HSF5: variants seen among roughly 807,000 people sequenced by gnomAD.
HSF5 encodes the protein heat shock transcription factor 5.
In HSF5, 5 loss-of-function variants were observed where a neutral mutation model predicts 50.8. That is an observed-to-expected ratio of 0.10 (90% CI 0.05 to 0.21). The LOEUF (loss-of-function observed/expected upper bound fraction) is 0.21. Ranked by LOEUF, HSF5 falls within the 10% of genes least tolerant of loss-of-function variation. HSF5 has a pLI of 1.00. For synonymous variants in HSF5, 307 were observed against 307.4 expected, an observed-to-expected ratio of 1.00 and a Z score of 0.02; for missense variants, 564 against 762.6, an observed-to-expected ratio of 0.74 and a Z score of 3.07.
chr17:58,423,520 C>T (rs1038627926), intron 5 of HSF5, among the ~76,000 whole-genome samples: 2 of 133,546 alleles, frequency 1.5e-5, no homozygotes, highest in African/African-American at 5.5e-5. Context: ...CAGAGTCTCA[C>T]ACTGTCACCC....
At chr17:58,460,549 G>GTGTATATATATGTA in intron 4 of HSF5, among the ~76,000 whole-genome samples, 1 of 143,862 alleles carries the variant, frequency 7.0e-6, no homozygotes, top group South Asian at 2.2e-4. Context: ...TCGCTCTGTC[G>GTGTATATATATGTA]CCCAGGCTGG....
At chr17:58,476,372 A>C in intron 2 of HSF5, 1 of 1,081,092 alleles carries the variant, frequency 9.2e-7, no homozygotes, top group Non-Finnish European at 1.4e-6. Context: ...TGGTCAGTAA[A>C]TCAGGTAAAG....
chr17:58,486,051 A>G (rs936140700), intron 1 of HSF5, among the ~76,000 whole-genome samples: 11 of 151,748 alleles, frequency 7.2e-5, no homozygotes, highest in African/African-American at 2.7e-4. Context: ...CCTGGGCAAC[A>G]CAGTGAGACT....
At chr17:58,481,791 A>G (rs1427051195) in intron 1 of HSF5, among the ~76,000 whole-genome samples, 1 of 152,076 alleles carries the variant, frequency 6.6e-6, no homozygotes, top group African/African-American at 2.4e-5. Context: ...CTTGAGTCCA[A>G]GAGTTCAAGA....
chr17:58,483,941 A>G (rs1975133044), intron 1 of HSF5, among the ~76,000 whole-genome samples: 1 of 152,216 alleles, frequency 6.6e-6, no homozygotes, highest in Non-Finnish European at 1.5e-5. Context: ...AGTCAGGCAC[A>G]TAACCAAGGC....
chr17:58,482,941 T>A (rs61700035), intron 1 of HSF5, among the ~76,000 whole-genome samples: 28,310 of 131,136 alleles, frequency 0.22, 2,817 homozygotes, highest in Non-Finnish European at 0.23. Context: ...CTCTGTCTTT[T>A]AAAAAAAAAA....
intron 1 of HSF5, among the ~76,000 whole-genome samples, chr17:58,486,908 T>C (rs967298609): frequency 7.0e-6 from 1 of 143,088 alleles, no homozygotes; most frequent in Non-Finnish European, 1.5e-5. Context: ...CTCTCTTTTT[T>C]TTTTTTTTTT....
chr17:58,444,367 A>T (rs1250120835), intron 5 of HSF5, among the ~76,000 whole-genome samples: 1 of 152,214 alleles, frequency 6.6e-6, no homozygotes, highest in African/African-American at 2.4e-5. Flanking sequence ...TACTGGCATA[A>T]ATTCAGCCAA....
chr17:58,449,953 A>G (rs1342934766), intron 5 of HSF5, among the ~76,000 whole-genome samples: 3 of 134,342 alleles, frequency 2.2e-5, no homozygotes, highest in East Asian at 2.2e-4. Context: ...AACCCGGGAG[A>G]CGGAGCTTGC....
At chr17:58,455,385 C>T (rs1316077824) in intron 5 of HSF5, among the ~76,000 whole-genome samples, 1 of 151,968 alleles carries the variant, frequency 6.6e-6, no homozygotes, top group African/African-American at 2.4e-5. Context: ...TAGAAGAAAA[C>T]ATAGGGAAAA....
intron 5 of HSF5, among the ~76,000 whole-genome samples, chr17:58,455,838 G>A (rs1974703537): frequency 6.6e-6 from 1 of 152,024 alleles, no homozygotes; most frequent in South Asian, 2.1e-4. Flanking sequence ...AATAACAAAT[G>A]CTGGCAAAGA....
chr17:58,422,764 C>T (rs528742257), intron 5 of HSF5, among the ~76,000 whole-genome samples: 3 of 149,876 alleles, frequency 2.0e-5, no homozygotes, highest in Non-Finnish European at 4.4e-5. Context: ...GGCACAATCT[C>T]GGCTCGCTGC....
rs1214344567 is a variant in HSF5 at position 58,480,099 on chromosome 17, C to A, written c.719G>T (p.Gly240Val). The change falls in exon 2 of 6, where the codon GGA (glycine) becomes GTA (valine). Residue 240 changes from glycine (G) to valine (V), a missense_variant. Physicochemically the swap from Gly to Val is moderately radical, Grantham distance 109. Around this residue, in one of 5 missense-constraint regions of HSF5, gnomAD observed 441 missense variants for 533.6 expected, o/e 0.83. Transcript: ENST00000323777. ...AAATGTGGGAGATGTCTCCACTTGT[C>A]CAGGATGCATTCCAAGGGAGTTCTG... ...IWQNSLGMHP[G>V]QVETSPTFSD... 1 of 1,614,108 alleles carries A rather than the reference C, an allele frequency of 6.2e-7. No homozygotes were observed.
chr17:58,486,641 T>C (rs1405495702), intron 1 of HSF5, among the ~76,000 whole-genome samples: 3 of 152,232 alleles, frequency 2.0e-5, no homozygotes, highest in African/African-American at 7.2e-5. Flanking sequence ...AAGAAATGTG[T>C]AGCCAATTCA....
rs765053945 is a variant in HSF5, at chr17:58,488,212, C to T, written c.63G>A (p.Leu21=). 3.3e-6 allele frequency: 5 copies of T among 1,520,246 alleles called. No individual in the cohort carries two copies. In the Admixed American group the frequency reaches 8.6e-5, roughly 26 times the overall value. 94.2% of individuals were successfully genotyped at this position (1,520,246 alleles called of 1,614,324 possible). ...PNNFPAKLWR[L]VNSPRYRSIR... Reference sequence around the variant, plus strand: ...TGGAGCGGTAGCGCGGGCTGTTCACCAGGCGCCACAGCTTGGCGGGGAAGT... The same window carrying T: ...TGGAGCGGTAGCGCGGGCTGTTCACTAGGCGCCACAGCTTGGCGGGGAAGT... Residue 21 remains leucine, a synonymous_variant, in exon 1 of 6, where the codon CTG becomes CTA. Transcript: ENST00000323777. This position sits in a 1 kb window ranked among gnomAD's most constrained non-coding sequence, Gnocchi z 4.1.
chr17:58,424,548 G>A (rs1304712467), intron 5 of HSF5, among the ~76,000 whole-genome samples: 2 of 151,228 alleles, frequency 1.3e-5, no homozygotes, highest in Non-Finnish European at 2.9e-5. Flanking sequence ...GGAGATGGAG[G>A]TTGCAGTGAG....
chr17:58,476,796 C>G lies in HSF5; in HGVS notation c.925+3097G>C, dbSNP rs1975017702. ...TATTTCTGTTCTACTTTCAAAATCT[C>G]CTCACTGGCTTGTTCATTAAGTCTG... On this transcript the variant is annotated intron_variant, in intron 2 of 5. Transcript: ENST00000323777. 4 of 1,592,192 alleles carry G rather than the reference C, an allele frequency of 2.5e-6. No individual in the cohort carries two copies. The South Asian group carries it at 4.4e-5, about 18-fold the overall frequency.
chr17:58,443,614 G>C (rs941792188), intron 5 of HSF5, among the ~76,000 whole-genome samples: 1 of 152,086 alleles, frequency 6.6e-6, no homozygotes, highest in Non-Finnish European at 1.5e-5. Context: ...TGAATATACT[G>C]TTCTTAAATC....
At position 58,487,682 on chromosome 17, in the gene HSF5, C is replaced by G. The variant is rs954346654; in HGVS notation, c.550+43G>C. 3.7e-6 allele frequency: 5 copies of G among 1,364,384 alleles called. No homozygotes were observed. In the African/African-American group the frequency reaches 7.6e-5, roughly 21 times the overall value. 84.5% of individuals were successfully genotyped at this position (1,364,384 alleles called of 1,614,324 possible). A position where few individuals can be genotyped will look rare whatever the true frequency, so the allele number is the denominator to read the frequency against. Reference sequence around the variant, plus strand: ...CCAGCGGCGGTTGCTCCCCGCCGCCCATGTGCCCACTGTGGGCGAGGGCAC... The same window carrying G: ...CCAGCGGCGGTTGCTCCCCGCCGCCGATGTGCCCACTGTGGGCGAGGGCAC... On this transcript the variant is annotated intron_variant, in intron 1 of 5. Transcript: ENST00000323777.
Sources: allele counts gnomAD v4.1 joint callset (sites outside exome capture counted in the v4.1 genomes callset), GRCh38; gene constraint gnomAD v4.1.1; regional missense constraint gnomAD v4.1.1; non-coding constraint Gnocchi (gnomAD v3.1); transcripts MANE v1.5; gene names NCBI Gene and HGNC (gene_info 2026-07-23, HGNC 2026-07-21).